BMP6: variants seen among roughly 807,000 people sequenced by gnomAD.
BMP6 encodes VG-1-R.
Under a neutral mutation model 54.1 loss-of-function variants are expected in BMP6, and 17 were observed. That is an observed-to-expected ratio of 0.31 (90% confidence interval 0.22 to 0.47). The LOEUF (loss-of-function observed/expected upper bound fraction) is 0.47. BMP6 is among the 20% of genes least tolerant of loss of function. BMP6 has a pLI of 1.00. For missense variants in BMP6, 720 were observed against 690.4 expected, an observed-to-expected ratio of 1.04 and a Z score of -0.48; for synonymous variants, 328 against 291.2, an observed-to-expected ratio of 1.13 and a Z score of -1.28.
chr6:7,835,847 C>CT (rs1312416163), intron 1 of BMP6, among the ~76,000 whole-genome samples: 1 of 146,086 alleles, frequency 6.8e-6, no homozygotes, highest in Non-Finnish European at 1.5e-5. Flanking sequence ...TTTTTTTTTT[C>CT]TTTTTTTGAG....
At chr6:7,838,885 T>C (rs1285215180) in intron 1 of BMP6, among the ~76,000 whole-genome samples, 1 of 140,062 alleles carries the variant, frequency 7.1e-6, no homozygotes, top group Admixed American at 8.1e-5. Context: ...GAGTTTGCAG[T>C]GAGCCGAGAT....
At chr6:7,733,839 A>G (rs993941677) in intron 1 of BMP6, among the ~76,000 whole-genome samples, 6 of 152,310 alleles carry the variant, frequency 3.9e-5, no homozygotes, top group African/African-American at 1.4e-4. Context: ...AAGTGGTGAT[A>G]GTTGTATGAA....
chr6:7,869,806 T>C (rs1368250051), intron 4 of BMP6, among the ~76,000 whole-genome samples: 3 of 152,156 alleles, frequency 2.0e-5, no homozygotes, highest in Non-Finnish European at 4.4e-5. Flanking sequence ...CCACCAGAAC[T>C]GAGCAGACTG....
At chr6:7,808,566 GC>G (rs377302578) in intron 1 of BMP6, among the ~76,000 whole-genome samples, 5 of 152,230 alleles carry the variant, frequency 3.3e-5, no homozygotes, top group East Asian at 3.9e-4. Context: ...TCCCCGAAAC[GC>G]TTTCCTTCTT....
intron 1 of BMP6, among the ~76,000 whole-genome samples, chr6:7,735,957 G>T (rs996049477): frequency 2.0e-5 from 3 of 152,154 alleles, no homozygotes; most frequent in African/African-American, 7.2e-5. Flanking sequence ...TTCAAAATAC[G>T]CAGAGTTCGG....
intron 1 of BMP6, among the ~76,000 whole-genome samples, chr6:7,837,419 A>G (rs573959860): frequency 1.3e-5 from 2 of 152,358 alleles, no homozygotes; most frequent in Admixed American, 1.3e-4. Context: ...ATGAAAAAGG[A>G]GAAACAACCA....
At chr6:7,870,411 T>C (rs1759505316) in intron 4 of BMP6, among the ~76,000 whole-genome samples, 1 of 152,162 alleles carries the variant, frequency 6.6e-6, no homozygotes, top group South Asian at 2.1e-4. Context: ...GGCAAAGTAT[T>C]GGAAAAATGA....
chr6:7,841,642 G>T (rs2113250073), intron 1 of BMP6, among the ~76,000 whole-genome samples: 1 of 152,296 alleles, frequency 6.6e-6, no homozygotes. Context: ...AGGTGGTACA[G>T]CTTTGAGGTA....
chr6:7,872,946 G>A (rs745547290), intron 4 of BMP6, among the ~76,000 whole-genome samples: 6 of 151,242 alleles, frequency 4.0e-5, no homozygotes, highest in Non-Finnish European at 5.9e-5. Flanking sequence ...CCAAATAGCC[G>A]AGACCACAGG....
chr6:7,779,809 G>T (rs1219382375), intron 1 of BMP6, among the ~76,000 whole-genome samples: 4 of 152,126 alleles, frequency 2.6e-5, no homozygotes, highest in Non-Finnish European at 5.9e-5. Context: ...GGGGAGAGGG[G>T]TACTCAAATA....
intron 1 of BMP6, among the ~76,000 whole-genome samples, chr6:7,798,132 A>G (rs1581252039): frequency 6.6e-6 from 1 of 152,302 alleles, no homozygotes; most frequent in East Asian, 1.9e-4. Flanking sequence ...TACCAAGGAG[A>G]CCAAGTCTTG....
intron 1 of BMP6, among the ~76,000 whole-genome samples, chr6:7,767,494 G>A (rs1024123922): frequency 1.3e-5 from 2 of 151,782 alleles, no homozygotes; most frequent in African/African-American, 2.4e-5. Context: ...GCCCCACCAC[G>A]GAGATTTGGA....
chr6:7,837,977 C>T (rs1240016618), intron 1 of BMP6, among the ~76,000 whole-genome samples: 1 of 152,054 alleles, frequency 6.6e-6, no homozygotes, highest in African/African-American at 2.4e-5. Context: ...ATAAGTCTGC[C>T]AGATTTTCAG....
chr6:7,727,666 A>T (rs759751939), intron 1 of BMP6, 47 bp downstream of exon 1: 1 of 1,464,424 alleles, frequency 6.8e-7, no homozygotes, highest in Non-Finnish European at 9.0e-7. Flanking sequence ...CCCCCTTTTC[A>T]GTGTCCCGGG....
At chr6:7,826,033 G>GC (rs1313466952) in intron 1 of BMP6, among the ~76,000 whole-genome samples, 1 of 152,228 alleles carries the variant, frequency 6.6e-6, no homozygotes. Context: ...CAGCTCTGCA[G>GC]CCAGAGGACC....
intron 2 of BMP6, among the ~76,000 whole-genome samples, chr6:7,860,649 C>G (rs757900956): frequency 6.6e-6 from 1 of 152,196 alleles, no homozygotes; most frequent in Non-Finnish European, 1.5e-5. Flanking sequence ...CTGTAGCTCA[C>G]CACTGTGCTG....
intron 1 of BMP6, among the ~76,000 whole-genome samples, chr6:7,836,210 TAA>T (rs34121626): frequency 0.071 from 10,693 of 151,150 alleles, 646 homozygotes; most frequent in African/African-American, 0.16. Flanking sequence ...ATTTTTTTTT[TAA>T]AAAAAAATGA....
At chr6:7,830,178 C>T (rs1056054984) in intron 1 of BMP6, among the ~76,000 whole-genome samples, 2 of 152,126 alleles carry the variant, frequency 1.3e-5, no homozygotes, top group Non-Finnish European at 2.9e-5. Context: ...CTCACTCTCT[C>T]CTCTCTCTCA....
At chr6:7,737,854 C>T (rs2113112385) in intron 1 of BMP6, among the ~76,000 whole-genome samples, 1 of 152,194 alleles carries the variant, frequency 6.6e-6, no homozygotes, top group South Asian at 2.1e-4. Flanking sequence ...CTTGACAGTG[C>T]TGGAAGATGC....
Sources: gnomAD v4.1 joint callset for allele counts (sites outside exome capture counted in the v4.1 genomes callset) on GRCh38, gnomAD v4.1.1 for gene constraint, MANE v1.5 for transcripts, NCBI Gene and HGNC (gene_info 2026-07-23, HGNC 2026-07-21) for gene names.